Variants in GAPVD1 observed in about 807,000 individuals in gnomAD.
The protein encoded by GAPVD1 is GTPase activating protein and VPS9 domains 1.
GAPVD1 carries 35 observed loss-of-function variants against 155.5 expected under a neutral mutation model. The ratio of observed to expected loss-of-function variants is 0.23; its 90% CI spans 0.17 to 0.30. The LOEUF is 0.30. GAPVD1 is among the 10% of genes least tolerant of loss of function. GAPVD1 has a pLI of 1.00. For missense variants in GAPVD1, 1,429 were observed against 1,775.7 expected (o/e 0.80, Z 3.51); for synonymous variants, 636 against 619.7 (o/e 1.03, Z -0.39).
At chr9:125,262,008 C>T (rs1355061841) in intron 1 of GAPVD1, 49 bp downstream of exon 1, 1 of 152,622 alleles carries the variant, frequency 6.6e-6, no homozygotes, top group Non-Finnish European at 1.5e-5. Context: ...GGCTCCCTGC[C>T]TCGCGGCCGG....
chr9:125,302,695 G>A lies in GAPVD1; in HGVS notation c.898G>A (p.Gly300Arg). Residue 300 changes from glycine (G) to arginine (R), a missense_variant, in exon 5 of 28, where the codon GGG (glycine) becomes AGG (arginine). By Grantham distance (125) the Gly-to-Arg change is moderately radical. Transcript: ENST00000297933. ...TLSCVDRLEV[G>R]EVRAMCTDLL... ...CTCCTGTGTAGATAGGCTGGAAGTT[G>A]GGGAGGTCAGGGCAATGTGTACTGA... 6.2e-7 allele frequency: 1 copy of A among 1,612,272 alleles called. No individual in the cohort carries two copies. Among genetic ancestry groups the A allele is most frequent in the South Asian group, 1.1e-5 (1 of 90,998 alleles).
At chr9:125,340,626 C>G (rs954521940) in intron 17 of GAPVD1, among the ~76,000 whole-genome samples, 3 of 152,162 alleles carry the variant, frequency 2.0e-5, no homozygotes, top group Admixed American at 6.5e-5. Context: ...ACCATCTCTA[C>G]TGCCCTTCTG....
At chr9:125,306,001 T>A (rs1185116337) in intron 6 of GAPVD1, among the ~76,000 whole-genome samples, 3 of 152,170 alleles carry the variant, frequency 2.0e-5, no homozygotes, top group African/African-American at 7.2e-5. Flanking sequence ...ATCTATGACA[T>A]TGTTCAATTA....
intron 20 of GAPVD1, 24 bp downstream of exon 20, chr9:125,346,965 A>G: frequency 6.2e-7 from 1 of 1,611,356 alleles, no homozygotes; most frequent in African/African-American, 1.3e-5. Flanking sequence ...CAGAGATTTG[A>G]GTAGTAAACT....
At chr9:125,280,010 A>G (rs1347240920) in intron 2 of GAPVD1, among the ~76,000 whole-genome samples, 3 of 150,820 alleles carry the variant, frequency 2.0e-5, no homozygotes, top group East Asian at 4.0e-4. Context: ...GATCCACTCA[A>G]CCTCGGCCTC....
chr9:125,286,807 G>C (rs1438292374), intron 2 of GAPVD1, among the ~76,000 whole-genome samples: 19 of 152,150 alleles, frequency 1.2e-4, no homozygotes, highest in Middle Eastern at 3.2e-3. Context: ...AGTTTCACCG[G>C]GCTCGGTGGC....
At chr9:125,297,564 G>C (rs927995920) in intron 3 of GAPVD1, among the ~76,000 whole-genome samples, 1 of 152,178 alleles carries the variant, frequency 6.6e-6, no homozygotes, top group Non-Finnish European at 1.5e-5. Flanking sequence ...TGCTTGGCCT[G>C]TTCAAGGAAC....
intron 25 of GAPVD1, among the ~76,000 whole-genome samples, chr9:125,356,996 G>A (rs1266076719): frequency 3.9e-5 from 6 of 152,008 alleles, no homozygotes; most frequent in African/African-American, 1.2e-4. Context: ...TTGTAGAGAC[G>A]AGGTCTTGCT....
intron 22 of GAPVD1, 56 bp downstream of exon 22, chr9:125,350,460 A>G: frequency 9.2e-7 from 1 of 1,091,924 alleles, no homozygotes; most frequent in South Asian, 1.3e-5. Flanking sequence ...GCACCATATG[A>G]AATTGCCAGT....
chr9:125,326,733 G>A, intron 12 of GAPVD1, 144 bp downstream of exon 12: 2 of 536,426 alleles, frequency 3.7e-6, no homozygotes, highest in Non-Finnish European at 6.5e-6. Context: ...ATGGAACAAG[G>A]CATTTGGGTA....
intron 1 of GAPVD1, among the ~76,000 whole-genome samples, chr9:125,264,446 C>T (rs1002343227): frequency 7.9e-5 from 12 of 152,074 alleles, no homozygotes; most frequent in African/African-American, 2.7e-4. Flanking sequence ...CTGCCTGCCT[C>T]GGACTCCCAA....
rs79810548 is a variant in GAPVD1, at chr9:125,334,384, A to G, written c.2428+1755A>G. Among the ~76,000 whole-genome samples, 195 of 152,288 alleles carry G rather than the reference A, an allele frequency of 1.3e-3. 1 individual carries two copies. The highest frequency in any genetic ancestry group is 4.4e-3 in the African/African-American group (183 of 41,578). On this transcript the variant is annotated intron_variant, in intron 15 of 27. Coordinates refer to ENST00000297933, the MANE Select transcript of GAPVD1 (RefSeq NM_001282680.3). ...TACACCTTTTTAATATTCTGTGTGA[A>G]GAAATAGGAAGCACCCATATTGCGT...
intron 2 of GAPVD1, among the ~76,000 whole-genome samples, chr9:125,281,033 G>C (rs1266955285): frequency 6.6e-6 from 1 of 152,116 alleles, no homozygotes; most frequent in Non-Finnish European, 1.5e-5. Flanking sequence ...TGGAAATTTT[G>C]TTTCATGAAG....
At chr9:125,354,238 G>T (rs1220562198) in intron 23 of GAPVD1, among the ~76,000 whole-genome samples, 1 of 152,108 alleles carries the variant, frequency 6.6e-6, no homozygotes, top group African/African-American at 2.4e-5. Flanking sequence ...AATTGGTGGG[G>T]GATGTTTGTG....
At chr9:125,276,579 C>T (rs1835832337) in intron 2 of GAPVD1, among the ~76,000 whole-genome samples, 1 of 152,114 alleles carries the variant, frequency 6.6e-6, no homozygotes, top group East Asian at 1.9e-4. Context: ...GTCCCAGCTA[C>T]TCAGTACGCT....
intron 18 of GAPVD1, 137 bp downstream of exon 18, chr9:125,341,401 A>G: frequency 3.4e-6 from 2 of 587,850 alleles, no homozygotes; most frequent in Non-Finnish European, 6.0e-6. Context: ...GGGTGTAGAA[A>G]GTGGTTCCAC....
intron 17 of GAPVD1, among the ~76,000 whole-genome samples, chr9:125,340,340 ATAACT>A (rs1271784945): frequency 3.9e-5 from 6 of 152,184 alleles, no homozygotes; most frequent in African/African-American, 9.7e-5. Context: ...TGTGTTAATG[ATAACT>A]TAATATAATT....
intron 25 of GAPVD1, among the ~76,000 whole-genome samples, chr9:125,357,420 A>T (rs1356839135): frequency 6.6e-6 from 1 of 151,720 alleles, no homozygotes; most frequent in African/African-American, 2.4e-5. Flanking sequence ...CTCTACTAAA[A>T]ATACAAAAAT....
intron 9 of GAPVD1, among the ~76,000 whole-genome samples, chr9:125,316,210 AT>A (rs1843401511): frequency 6.6e-6 from 1 of 152,000 alleles, no homozygotes; most frequent in South Asian, 2.1e-4. Flanking sequence ...TTTTATTTTA[AT>A]TTTTTTATTA....
Sources: gnomAD v4.1 joint callset for allele counts (sites outside exome capture counted in the v4.1 genomes callset) on GRCh38, gnomAD v4.1.1 for gene constraint, MANE v1.5 for transcripts, NCBI Gene and HGNC (gene_info 2026-07-23, HGNC 2026-07-21) for gene names.